The following PIK3CD variants were observed in gnomAD, a reference collection of about 807,000 sequenced individuals.
PIK3CD encodes phosphatidylinositol-4,5-bisphosphate 3-kinase catalytic subunit delta, also known as phosphatidylinositol 4,5-bisphosphate 3-kinase catalytic subunit delta isoform.
A neutral mutation model predicts 122.9 loss-of-function variants in PIK3CD; 20 were observed. That is an observed-to-expected ratio of 0.16 (90% CI 0.11 to 0.24). The LOEUF (loss-of-function observed/expected upper bound fraction) is 0.24, where lower values mean the gene tolerates loss of function less well. PIK3CD is among the 10% of genes least tolerant of loss of function. PIK3CD has a pLI of 1.00. For synonymous variants in PIK3CD, 596 were observed against 593.4 expected (o/e 1.00, Z -0.06); for missense variants, 787 against 1,406.3 (o/e 0.56, Z 7.04).
Position 9,717,708 on chromosome 1 carries a change from A to G in PIK3CD, c.1020+82A>G. ...TGTATCCTGGAGGGGTAGCAGAGGA[A>G]GGAGGGGGATCACATGAAAGCCACC... On this transcript the variant is annotated intron_variant, in intron 8 of 23. Transcript: ENST00000377346. This position sits in a 1 kb window ranked among gnomAD's most constrained non-coding sequence, Gnocchi z 5.4. 8.7e-6 allele frequency: 11 copies of G among 1,259,470 alleles called. No homozygotes were observed. The highest frequency in any genetic ancestry group is 1.1e-5 in the Non-Finnish European group (10 of 872,438). The allele number at this position is 1,259,470 out of a possible 1,614,324, so 78.0% of individuals were successfully genotyped here.
Position 9,654,307 on chromosome 1 carries a change from G to A in PIK3CD, c.-138+2505G>A, listed in dbSNP as rs111697224. 4,363 of 1,367,746 alleles carry A rather than the reference G, an allele frequency of 3.2e-3. 24 individuals are homozygous for A. The highest frequency in any genetic ancestry group is 0.022 in the Middle Eastern group (107 of 4,768). The allele number at this position is 1,367,746 out of a possible 1,614,324, so 84.7% of individuals were successfully genotyped here. On this transcript the variant is annotated intron_variant, in intron 1 of 23. Coordinates refer to ENST00000377346, the MANE Select transcript of PIK3CD (RefSeq NM_005026.5). ...CTGCGTTTCTGCAGCCTCAGTCCAC[G>A]CCGCCAGGTCTTTGCACTAAGCTGT... is the stretch of plus-strand genomic sequence containing the variant.
intron 1 of PIK3CD, 88 bp from the exon 2 acceptor site, chr1:9,691,379 T>C (rs1405235582): frequency 5.1e-6 from 2 of 392,764 alleles, no homozygotes; most frequent in Non-Finnish European, 9.0e-6. Context: ...GATTTTGAGC[T>C]AACGTCCTGT....
intron 3 of PIK3CD, among the ~76,000 whole-genome samples, chr1:9,712,308 G>GT (rs79114332): frequency 0.19 from 28,552 of 150,810 alleles, 2,986 homozygotes; most frequent in African/African-American, 0.27. Flanking sequence ...TTGAGACAGG[G>GT]TTCACTCTGT....
chr1:9,650,778 A>G (rs936156418), upstream of PIK3CD, among the ~76,000 whole-genome samples: 2 of 152,198 alleles, frequency 1.3e-5, no homozygotes, highest in South Asian at 2.1e-4. Flanking sequence ...AAAATTTCTC[A>G]GGTAAGAAAA....
chr1:9,634,688 G>A, the PIK3CD span, among the ~76,000 whole-genome samples: 1 of 152,206 alleles, frequency 6.6e-6, no homozygotes, highest in Admixed American at 6.5e-5. Flanking sequence ...AGAACTGCCA[G>A]TGTCCCATCC....
At chr1:9,658,280 G>A (rs1644914733) in intron 1 of PIK3CD, among the ~76,000 whole-genome samples, 1 of 151,308 alleles carries the variant, frequency 6.6e-6, no homozygotes, top group African/African-American at 2.4e-5. Flanking sequence ...CAGCTATGTG[G>A]AAGACTGAGG....
chr1:9,725,919 A>AT (rs1371424946), intron 23 of PIK3CD, among the ~76,000 whole-genome samples: 1 of 151,432 alleles, frequency 6.6e-6, no homozygotes, highest in Non-Finnish European at 1.5e-5. Flanking sequence ...AATAAAAGAT[A>AT]TTTTTCCAGG....
At position 9,713,362 on chromosome 1, in the gene PIK3CD, C is replaced by T. The variant is rs1307723105; in HGVS notation, c.142-2179C>T. ...TCTGTAAAATAAACAAGCAAACAAA[C>T]AGACAAAAACAAACACAAAAAATAA... On this transcript the variant is annotated intron_variant, in intron 3 of 23. Transcript: ENST00000377346. Among the ~76,000 whole-genome samples the T allele has an allele frequency of 2.0e-5, 3 of 151,804 alleles. 1 individual carries two copies. In the East Asian group the frequency reaches 5.8e-4, roughly 29 times the overall value.
At chr1:9,714,160 AT>A (rs1303228227) in intron 3 of PIK3CD, among the ~76,000 whole-genome samples, 1 of 152,152 alleles carries the variant, frequency 6.6e-6, no homozygotes, top group African/African-American at 2.4e-5. Flanking sequence ...CCTAGATGTC[AT>A]TTTAAATCAG....
At chr1:9,653,499 G>A (rs532309715) in intron 1 of PIK3CD, 5 of 254,234 alleles carry the variant, frequency 2.0e-5, no homozygotes, top group Non-Finnish European at 3.9e-5. Flanking sequence ...CGTTGCTTGC[G>A]GGGGAAGGAG....
chr1:9,690,138 C>A (rs753037991), intron 1 of PIK3CD, among the ~76,000 whole-genome samples: 10 of 152,108 alleles, frequency 6.6e-5, no homozygotes, highest in Admixed American at 5.9e-4. Flanking sequence ...GCCCCCTATT[C>A]GGGACGGAGC....
At chr1:9,657,968 GC>G (rs145298721) in intron 1 of PIK3CD, among the ~76,000 whole-genome samples, 1,999 of 151,492 alleles carry the variant, frequency 0.013, 37 homozygotes, top group African/African-American at 0.044. Flanking sequence ...GAAGGGCTGG[GC>G]CCCCCCCTTG....
At position 9,723,965 on chromosome 1, in the gene PIK3CD, C is replaced by A. The variant is rs551553892; in HGVS notation, c.2595-4C>A. ...GGCCATGCTTTTTAATCTTCCCCAC[C>A]CAGGGAGGCCCTGGATCGAGCCATT... On this transcript the variant is annotated splice_region_variant and splice_polypyrimidine_tract_variant and intron_variant, in intron 20 of 23. Transcript: ENST00000377346. This position sits in a 1 kb window ranked among gnomAD's most constrained non-coding sequence, Gnocchi z 4.9. 2 of 1,614,100 alleles carry A rather than the reference C, an allele frequency of 1.2e-6. No individual in the cohort carries two copies. Among genetic ancestry groups the A allele is most frequent in the Non-Finnish European group, 1.7e-6 (2 of 1,179,998 alleles).
chr1:9,654,445 G>A, intron 1 of PIK3CD: 1 of 1,359,126 alleles, frequency 7.4e-7, no homozygotes, highest in Non-Finnish European at 9.8e-7. Flanking sequence ...ATCAGCCCCT[G>A]GGGGGCTTAC....
intron 3 of PIK3CD, among the ~76,000 whole-genome samples, chr1:9,714,013 C>G (rs1647164053): frequency 6.6e-6 from 1 of 151,794 alleles, no homozygotes; most frequent in South Asian, 2.1e-4. Flanking sequence ...CCACCATAAC[C>G]AACTAATTTT....
intron 1 of PIK3CD, among the ~76,000 whole-genome samples, chr1:9,659,751 C>G (rs1364286674): frequency 6.6e-6 from 1 of 152,030 alleles, no homozygotes; most frequent in East Asian, 1.9e-4. Flanking sequence ...GTAGGTACTA[C>G]ATTCTTTTCT....
chr1:9,716,888 C>G, intron 6 of PIK3CD, 71 bp from the exon 7 acceptor site: 4 of 1,605,134 alleles, frequency 2.5e-6, no homozygotes, highest in Non-Finnish European at 3.4e-6. Context: ...CTTGGGGGGT[C>G]CTGGGAATCC....
chr1:9,677,560 G>A (rs1263815695), intron 1 of PIK3CD, among the ~76,000 whole-genome samples: 2 of 150,306 alleles, frequency 1.3e-5, no homozygotes, highest in African/African-American at 2.5e-5. Flanking sequence ...CAGGAGGATC[G>A]CTTGAACCAG....
chr1:9,630,739 T>TGTGTGTGTGCGCGC, the PIK3CD span, among the ~76,000 whole-genome samples: 115 of 150,964 alleles, frequency 7.6e-4, 1 homozygote, highest in East Asian at 0.013. Flanking sequence ...TGTGTGTGTG[T>TGTGTGTGTGCGCGC]GCAGAAGAGG....
Sources: allele counts gnomAD v4.1 joint callset (sites outside exome capture counted in the v4.1 genomes callset), GRCh38; gene constraint gnomAD v4.1.1; non-coding constraint Gnocchi (gnomAD v3.1); transcripts MANE v1.5; gene names NCBI Gene and HGNC (gene_info 2026-07-23, HGNC 2026-07-21).